Variants in VDAC2 observed in about 807,000 individuals in gnomAD.
VDAC2 encodes voltage dependent anion channel 2, also known as non-selective voltage-gated ion channel VDAC2.
VDAC2 carries 6 observed loss-of-function variants against 36.6 expected under a neutral mutation model. That is an observed-to-expected ratio of 0.16 (90% CI 0.09 to 0.32). The LOEUF is 0.32. Ranked by LOEUF, VDAC2 falls within the 10% of genes least tolerant of loss-of-function variation. The pLI is 1.00. For synonymous variants in VDAC2, 109 were observed against 123.8 expected (o/e 0.88, Z 0.79); for missense variants, 247 against 346.0 (o/e 0.71, Z 2.27).
intron 3 of VDAC2, among the ~76,000 whole-genome samples, chr10:75,213,536 A>G (rs1296584573): frequency 1.3e-5 from 2 of 152,104 alleles, no homozygotes; most frequent in African/African-American, 4.8e-5. Context: ...CGAGGTCAGG[A>G]GATCGAGACC....
At chr10:75,222,686 C>T (rs531540991) in intron 8 of VDAC2, among the ~76,000 whole-genome samples, 3 of 152,152 alleles carry the variant, frequency 2.0e-5, no homozygotes, top group Non-Finnish European at 4.4e-5. Flanking sequence ...GGTGTTTGGT[C>T]CCTGAGTGGT....
chr10:75,224,344 G>GT (rs1410100670), intron 8 of VDAC2, among the ~76,000 whole-genome samples: 2 of 152,130 alleles, frequency 1.3e-5, no homozygotes, highest in Non-Finnish European at 2.9e-5. Flanking sequence ...AACTGAGTTG[G>GT]TTTTTTTCTG....
intron 7 of VDAC2, among the ~76,000 whole-genome samples, chr10:75,221,548 G>T (rs565535944): frequency 6.6e-6 from 1 of 152,234 alleles, no homozygotes; most frequent in South Asian, 2.1e-4. Context: ...GGCAAGGCTG[G>T]TCTGGAACTC....
chr10:75,219,958 G>C (rs1037025662), intron 6 of VDAC2, among the ~76,000 whole-genome samples: 6 of 151,014 alleles, frequency 4.0e-5, no homozygotes, highest in African/African-American at 1.5e-4. Context: ...CTCCTGAGTA[G>C]CTGGGATCAC....
chr10:75,211,432 T>G (rs1394271527), intron 2 of VDAC2: 1 of 1,476,514 alleles, frequency 6.8e-7, no homozygotes, highest in African/African-American at 1.4e-5. Context: ...TGTACATGTC[T>G]TTGACGTATA....
At chr10:75,213,084 T>C (rs1279586263) in intron 3 of VDAC2, among the ~76,000 whole-genome samples, 1 of 152,140 alleles carries the variant, frequency 6.6e-6, no homozygotes, top group Non-Finnish European at 1.5e-5. Context: ...TGGTTTTGTT[T>C]TTGTTTTTTT....
At position 75,219,332 on chromosome 10, in the gene VDAC2, A is replaced by T. The variant is rs1272676234; in HGVS notation, c.332A>T (p.Asp111Val). Residue 111 changes from aspartate (D) to valine (V), a missense_variant, in exon 6 of 10, where the codon GAT becomes GTT. Physicochemically the swap from Asp to Val is radical, Grantham distance 152. Transcript: ENST00000332211. ...QICQGLKLTF[D>V]TTFSPNTGKK... Reference sequence around the variant, plus strand: ...TGTCAAGGTTTGAAACTGACATTTGATACTACCTTCTCACCAAACACAGGG... The same window carrying T: ...TGTCAAGGTTTGAAACTGACATTTGTTACTACCTTCTCACCAAACACAGGG... 3 of 1,600,878 alleles carry T rather than the reference A, an allele frequency of 1.9e-6. No individual in the cohort carries two copies. The African/African-American group carries it at 4.0e-5, about 21-fold the overall frequency.
intron 8 of VDAC2, among the ~76,000 whole-genome samples, 167 bp downstream of exon 8, chr10:75,222,569 G>A (rs1841844716): frequency 1.3e-5 from 2 of 152,260 alleles, no homozygotes; most frequent in Admixed American, 6.5e-5. Context: ...AGTGTTAGAC[G>A]TTTTATTTCC....
Position 75,211,720 on chromosome 10 carries a change from G to A in VDAC2, c.32-510G>A, listed in dbSNP as rs932606077. ...TAGACATTTGAGTGAAACACACATGGCAGTATTTTTTCCAAGTTTCAATAT... is the reference window on the plus strand; with the variant it reads ...TAGACATTTGAGTGAAACACACATGACAGTATTTTTTCCAAGTTTCAATAT... On this transcript the variant is annotated intron_variant, in intron 2 of 9. Transcript: ENST00000332211. The A allele has an allele frequency of 2.7e-5, 41 of 1,524,362 alleles. No individual in the cohort carries two copies. In the Admixed American group the frequency reaches 7.9e-4, roughly 29 times the overall value. The allele number at this position is 1,524,362 out of a possible 1,614,324, so 94.4% of individuals were successfully genotyped here.
intron 8 of VDAC2, 67 bp from the exon 9 acceptor site, chr10:75,229,577 G>A: frequency 1.6e-6 from 2 of 1,242,980 alleles, no homozygotes; most frequent in Non-Finnish European, 2.3e-6. Flanking sequence ...ACATGATGGG[G>A]AAACATGTAG....
chr10:75,229,082 C>G (rs912108419), intron 8 of VDAC2, among the ~76,000 whole-genome samples: 1 of 151,902 alleles, frequency 6.6e-6, no homozygotes, highest in Non-Finnish European at 1.5e-5. Context: ...GCAGCACCGG[C>G]ATTTATGAGA....
intron 9 of VDAC2, among the ~76,000 whole-genome samples, chr10:75,230,035 G>C (rs987865583): frequency 6.6e-6 from 1 of 151,984 alleles, no homozygotes; most frequent in African/African-American, 2.4e-5. Flanking sequence ...GAAATGTTTT[G>C]TAGTAATTTT....
intron 7 of VDAC2, 75 bp from the exon 8 acceptor site, chr10:75,222,177 T>A (rs1841832671): frequency 1.4e-6 from 2 of 1,424,934 alleles, no homozygotes; most frequent in Admixed American, 4.6e-5. Context: ...TTAAATGTAA[T>A]GCTACAAATC....
At chr10:75,214,095 C>A in intron 4 of VDAC2, 25 bp downstream of exon 4, 1 of 1,607,056 alleles carries the variant, frequency 6.2e-7, no homozygotes, top group Non-Finnish European at 8.5e-7. Context: ...TGAATAAGTT[C>A]TATTGAACCT....
chr10:75,212,158 G>T, intron 2 of VDAC2, 72 bp from the exon 3 acceptor site: 2 of 1,352,422 alleles, frequency 1.5e-6, no homozygotes, highest in East Asian at 2.3e-5. Flanking sequence ...TCAGCAGTGG[G>T]TCATGCTCTT....
chr10:75,210,801 A>C lies in VDAC2; in HGVS notation c.-163A>C. 9.3e-6 allele frequency: 2 copies of C among 214,902 alleles called. No homozygotes were observed. Among genetic ancestry groups the C allele is most frequent in the Non-Finnish European group, 1.8e-5 (2 of 108,794 alleles). 13.3% of individuals were successfully genotyped at this position (214,902 alleles called of 1,614,324 possible). A position where few individuals can be genotyped will look rare whatever the true frequency, so the allele number is the denominator to read the frequency against. On this transcript the variant is annotated 5_prime_UTR_variant, in exon 1 of 10. Transcript: ENST00000332211. Reference sequence around the variant, plus strand: ...GCGGCGGGGTCCTGTCTGGGAGAGGACAGGGTTGCGGCGGGCGGAACGGTG... The same window carrying C: ...GCGGCGGGGTCCTGTCTGGGAGAGGCCAGGGTTGCGGCGGGCGGAACGGTG...
intron 4 of VDAC2, among the ~76,000 whole-genome samples, chr10:75,217,359 C>T (rs12269517): frequency 0.12 from 18,992 of 152,100 alleles, 1,450 homozygotes; most frequent in East Asian, 0.24. Context: ...TCTAGTGTTT[C>T]CTAACATGAT....
In VDAC2 at chr10:75,211,171, G is replaced by C; in HGVS notation, c.13G>C (p.Gly5Arg). Residue 5 changes from glycine to arginine, a missense_variant, in exon 2 of 10, where the codon GGA becomes CGA. Physicochemically the swap from Gly to Arg is moderately radical, Grantham distance 125 (BLOSUM62 -2). Transcript: ENST00000332211. Reference protein sequence around the residue: MATHGQTCARPMCIP... With the variant: MATHRQTCARPMCIP... ...CCGCGGCCTCGCCATGGCGACCCACGGACAGACTTGCGCGCGTCGTAAGTA... is the reference window on the plus strand; with the variant it reads ...CCGCGGCCTCGCCATGGCGACCCACCGACAGACTTGCGCGCGTCGTAAGTA... 2 of 1,613,100 alleles carry C rather than the reference G, an allele frequency of 1.2e-6. No homozygotes were observed. Among genetic ancestry groups the C allele is most frequent in the Non-Finnish European group, 8.5e-7 (1 of 1,179,620 alleles).
At chr10:75,224,632 A>G (rs1199862917) in intron 8 of VDAC2, among the ~76,000 whole-genome samples, 1 of 152,204 alleles carries the variant, frequency 6.6e-6, no homozygotes. Flanking sequence ...CAAACAAAAT[A>G]TACAATCCCT....
Sources: allele counts gnomAD v4.1 joint callset (sites outside exome capture counted in the v4.1 genomes callset), GRCh38; gene constraint gnomAD v4.1.1; transcripts MANE v1.5; gene names NCBI Gene and HGNC (gene_info 2026-07-23, HGNC 2026-07-21).